Variants in SDK2 observed in about 807,000 individuals in gnomAD.
SDK2 encodes protein sidekick-2.
SDK2 carries 105 observed loss-of-function variants against 253.9 expected under a neutral mutation model. The ratio of observed to expected loss-of-function variants is 0.41; its 90% CI spans 0.35 to 0.49. The LOEUF is 0.49. Ranked by LOEUF, SDK2 falls within the 20% of genes least tolerant of loss-of-function variation. The pLI is 0.06. For missense variants in SDK2, 2,608 were observed against 3,003.0 expected (o/e 0.87, Z 3.07); for synonymous variants, 1,249 against 1,234.9 (o/e 1.01, Z -0.24).
chr17:73,430,592 G>A lies in SDK2; in HGVS notation c.1502C>T (p.Pro501Leu), dbSNP rs369988303. 31 of 1,581,578 alleles carry A rather than the reference G, an allele frequency of 2.0e-5. No individual in the cohort carries two copies. Among genetic ancestry groups the A allele is most frequent in the Non-Finnish European group, 2.7e-5 (31 of 1,163,118 alleles). Residue 501 changes from proline to leucine, a missense_variant, in exon 12 of 45, where the codon CCC becomes CTC. This residue lies in a region of SDK2 where 1,505 missense variants were observed against 1,859.1 expected (regional missense o/e 0.81). Transcript: ENST00000392650. ...CTTGATGACACTCTGATCCTGGGGGGGCTTGGTGATGCGGGTCCGAGCTGA... is the reference window on the plus strand; with the variant it reads ...CTTGATGACACTCTGATCCTGGGGGAGCTTGGTGATGCGGGTCCGAGCTGA... ...VVWARTRITK[P>L]PQDQSVIKGT...
At chr17:73,347,668 TG>T (rs1478608367) in intron 44 of SDK2, among the ~76,000 whole-genome samples, 2 of 152,080 alleles carry the variant, frequency 1.3e-5, no homozygotes, top group African/African-American at 4.8e-5. Context: ...GTCCAGGGCG[TG>T]GGATGCAGTG....
chr17:73,381,166 T>C (rs751711167), intron 33 of SDK2, among the ~76,000 whole-genome samples: 2 of 152,200 alleles, frequency 1.3e-5, no homozygotes, highest in Non-Finnish European at 2.9e-5. Flanking sequence ...CTGGACAGTC[T>C]GCCCCACCCT....
chr17:73,628,978 C>T (rs1251052739), intron 1 of SDK2, among the ~76,000 whole-genome samples: 1 of 152,166 alleles, frequency 6.6e-6, no homozygotes, highest in Non-Finnish European at 1.5e-5. Flanking sequence ...TTCTGCAGCT[C>T]TCCCACCTCC....
At position 73,390,401 on chromosome 17, in the gene SDK2, A is replaced by G; in HGVS notation, c.4078T>C (p.Tyr1360His). 1 of 1,612,710 alleles carries G rather than the reference A, an allele frequency of 6.2e-7. No homozygotes were observed. The highest frequency in any genetic ancestry group is 8.5e-7 in the Non-Finnish European group (1 of 1,179,556). Reference sequence around the variant, plus strand: ...TCTGGCTTGAGGCCCGTGGCTGTGTACTGCCGGGCGCTGGGTGCCAGCACC... The same window carrying G: ...TCTGGCTTGAGGCCCGTGGCTGTGTGCTGCCGGGCGCTGGGTGCCAGCACC... ...VEVLAPSARQ[Y>H]TATGLKPESV... Residue 1360 changes from tyrosine to histidine, a missense_variant, in exon 29 of 45, where the codon TAC becomes CAC. This residue lies in a region of SDK2 where 1,103 missense variants were observed against 1,143.9 expected (regional missense o/e 0.96). Coordinates refer to ENST00000392650, the MANE Select transcript of SDK2 (RefSeq NM_001144952.2).
chr17:73,604,748 G>T (rs2045885663), intron 1 of SDK2, among the ~76,000 whole-genome samples: 1 of 152,190 alleles, frequency 6.6e-6, no homozygotes, highest in South Asian at 2.1e-4. Flanking sequence ...AAATGAGGAG[G>T]CTCAGCTTGG....
At chr17:73,483,665 A>G (rs1352984208) in intron 2 of SDK2, among the ~76,000 whole-genome samples, 21,353 of 46,168 alleles carry the variant, frequency 0.46, 4,297 homozygotes, top group Admixed American at 0.53. Context: ...GTGTGTGTAT[A>G]TATATATATA....
intron 1 of SDK2, among the ~76,000 whole-genome samples, chr17:73,621,775 TAAG>T (rs932747506): frequency 6.6e-6 from 1 of 150,928 alleles, no homozygotes; most frequent in African/African-American, 2.4e-5. Context: ...GAACAGAGAG[TAAG>T]AAGATTGAAA....
At chr17:73,605,215 T>G (rs927044347) in intron 1 of SDK2, among the ~76,000 whole-genome samples, 4 of 151,098 alleles carry the variant, frequency 2.6e-5, no homozygotes, top group African/African-American at 9.7e-5. Flanking sequence ...AGAGGTTGAG[T>G]GAAGGAAAGA....
At chr17:73,454,209 A>T (rs1051687202) in intron 4 of SDK2, among the ~76,000 whole-genome samples, 10 of 152,220 alleles carry the variant, frequency 6.6e-5, no homozygotes, top group African/African-American at 2.4e-4. Flanking sequence ...CTCTGCCATT[A>T]AGCAACACAT....
chr17:73,459,164 A>G (rs1330638270), intron 3 of SDK2, among the ~76,000 whole-genome samples: 1 of 152,062 alleles, frequency 6.6e-6, no homozygotes, highest in Non-Finnish European at 1.5e-5. Flanking sequence ...ACTGTCATTT[A>G]CCAAGGTCCC....
In SDK2 at chr17:73,374,031, C is replaced by T. The variant is rs879301487; in HGVS notation, c.4980+5146G>A. Among the ~76,000 whole-genome samples the T allele has an allele frequency of 2.1e-5, 3 of 145,178 alleles. 1 individual carries two copies. The highest frequency in any genetic ancestry group is 8.2e-5 in the African/African-American group (3 of 36,576). ...GTTCCTTACATATTTTGGCTACTAA[C>T]CCCTGGTCATATGTATGGTTTGCAA... is the stretch of plus-strand genomic sequence containing the variant. On this transcript the variant is annotated intron_variant, in intron 36 of 44. Coordinates refer to ENST00000392650, the MANE Select transcript of SDK2 (RefSeq NM_001144952.2).
chr17:73,613,182 C>G (rs777127789), intron 1 of SDK2, among the ~76,000 whole-genome samples: 10 of 152,080 alleles, frequency 6.6e-5, no homozygotes, highest in Non-Finnish European at 1.5e-4. Context: ...TTAGAGACAG[C>G]AAGACTAGTT....
At chr17:73,421,154 C>A (rs1039937354) in intron 15 of SDK2, among the ~76,000 whole-genome samples, 2 of 152,202 alleles carry the variant, frequency 1.3e-5, no homozygotes, top group Non-Finnish European at 2.9e-5. Context: ...CCCTGTCCTC[C>A]CTCCAGTGGT....
chr17:73,432,226 A>G (rs2063331485), intron 10 of SDK2, among the ~76,000 whole-genome samples: 1 of 151,994 alleles, frequency 6.6e-6, no homozygotes, highest in Admixed American at 6.5e-5. Context: ...GGACCCAGGG[A>G]GCCTGGGGCC....
chr17:73,626,145 AAAG>A (rs1293572331), intron 1 of SDK2, among the ~76,000 whole-genome samples: 23 of 152,232 alleles, frequency 1.5e-4, no homozygotes, highest in African/African-American at 5.5e-4. Flanking sequence ...CTGGAAAACA[AAAG>A]AAAACTTCAG....
chr17:73,425,074 G>T (rs979883092), intron 12 of SDK2, among the ~76,000 whole-genome samples: 2 of 152,126 alleles, frequency 1.3e-5, no homozygotes, highest in African/African-American at 2.4e-5. Context: ...ACAGAAATTT[G>T]CCGGGCGTGG....
At chr17:73,604,887 T>C (rs987250917) in intron 1 of SDK2, among the ~76,000 whole-genome samples, 1 of 151,832 alleles carries the variant, frequency 6.6e-6, no homozygotes, top group Non-Finnish European at 1.5e-5. Context: ...TAAAGCCACG[T>C]GGGAGGGGGT....
At chr17:73,475,355 T>G (rs1480359413) in intron 2 of SDK2, among the ~76,000 whole-genome samples, 1 of 152,182 alleles carries the variant, frequency 6.6e-6, no homozygotes, top group Admixed American at 6.5e-5. Context: ...TTTCACCATG[T>G]TGGCCAGGCT....
At chr17:73,547,677 G>A (rs920095506) in intron 1 of SDK2, among the ~76,000 whole-genome samples, 3 of 152,324 alleles carry the variant, frequency 2.0e-5, no homozygotes, top group Middle Eastern at 3.4e-3. Flanking sequence ...TGGTCAGAAG[G>A]GAGGGAGGGC....
Sources: allele counts gnomAD v4.1 joint callset (sites outside exome capture counted in the v4.1 genomes callset), GRCh38; gene constraint gnomAD v4.1.1; regional missense constraint gnomAD v4.1.1; transcripts MANE v1.5; gene names NCBI Gene and HGNC (gene_info 2026-07-23, HGNC 2026-07-21).